Variants in FADS3 observed in about 807,000 individuals in gnomAD.
FADS3 encodes the protein cytochrome b5-related protein.
FADS3 carries 30 observed loss-of-function variants against 60.4 expected under a neutral mutation model. That is an observed-to-expected ratio of 0.50 (90% confidence interval 0.37 to 0.67). The LOEUF (loss-of-function observed/expected upper bound fraction) is 0.67, where lower values mean the gene tolerates loss of function less well. Among genes scored for constraint, FADS3 ranks in the 30% least tolerant of loss-of-function variants. The pLI is 0.00. For missense variants in FADS3, 432 were observed against 598.3 expected (o/e 0.72, Z 2.90); for synonymous variants, 234 against 249.3 (o/e 0.94, Z 0.58).
chr11:61,891,816 TTGACTCCACCCGGAGCGC>T (rs1389608689), upstream of FADS3: 1 of 152,162 alleles, frequency 6.6e-6, no homozygotes, highest in East Asian at 1.9e-4. Context: ...TTCCAGGTTC[TTGACTCCACCCGGAGCGC>T]GGGGCCTGGG....
rs1257187682 is a variant in FADS3 at position 61,891,522 on chromosome 11, G to T, written c.-141C>A. On this transcript the variant is annotated 5_prime_UTR_variant, in exon 1 of 12. Coordinates refer to ENST00000278829, the MANE Select transcript of FADS3 (RefSeq NM_021727.5). ...CGCCCTGCCGCCGCGGCCGCCGTAC[G>T]AGCGAGCGTGCGCCTCCCGGCTCGC... is the stretch of plus-strand genomic sequence containing the variant. The T allele has an allele frequency of 2.1e-6, 1 of 482,082 alleles. No individual in the cohort carries two copies. The highest frequency in any genetic ancestry group is 1.0e-4 in the South Asian group (1 of 9,950). The allele number at this position is 482,082 out of a possible 1,614,324, so 29.9% of individuals were successfully genotyped here.
chr11:61,889,969 C>T (rs1228664200), intron 1 of FADS3, among the ~76,000 whole-genome samples: 1 of 152,218 alleles, frequency 6.6e-6, no homozygotes, highest in African/African-American at 2.4e-5. Context: ...CCTCGCCACG[C>T]CCTGGCAGAA....
Position 61,877,828 on chromosome 11 carries a change from T to C in FADS3, c.809-241A>G. 2 of 595,798 alleles carry C rather than the reference T, an allele frequency of 3.4e-6. No individual in the cohort carries two copies. The highest frequency in any genetic ancestry group is 4.0e-5 in the South Asian group (2 of 50,156). The allele number at this position is 595,798 out of a possible 1,614,324, so 36.9% of individuals were successfully genotyped here. On this transcript the variant is annotated intron_variant, in intron 6 of 11. Transcript: ENST00000278829. The surrounding 1 kb of genome is among the most constrained non-coding windows in gnomAD (Gnocchi z 4.7). ...GGGCCAGACTTGAGTCCTCACTCTG[T>C]CCGCCCCAACAACTGCCCAAAGACT...
chr11:61,874,561 G>C (rs1361863058), intron 11 of FADS3, among the ~76,000 whole-genome samples: 1 of 152,138 alleles, frequency 6.6e-6, no homozygotes, highest in Non-Finnish European at 1.5e-5. Context: ...ACTCCTGCCC[G>C]CCAGTCATTC....
intron 1 of FADS3, among the ~76,000 whole-genome samples, chr11:61,890,676 C>A (rs1295240583): frequency 6.6e-6 from 1 of 152,180 alleles, no homozygotes; most frequent in East Asian, 1.9e-4. Context: ...CAGCTGCTAG[C>A]CCGGAGAGGT....
chr11:61,873,778 G>A lies in FADS3; in HGVS notation c.*36C>T. 1 of 1,581,338 alleles carries A rather than the reference G, an allele frequency of 6.3e-7. No homozygotes were observed. The highest frequency in any genetic ancestry group is 8.6e-7 in the Non-Finnish European group (1 of 1,157,684). On this transcript the variant is annotated 3_prime_UTR_variant, in exon 12 of 12. Coordinates refer to ENST00000278829, the MANE Select transcript of FADS3 (RefSeq NM_021727.5). ...GCCGGGGGCTGGCTTGGTTGCTGGT[G>A]CCCTGAGCCCTTCTCTGCCCGCCTG...
chr11:61,884,190 C>T (rs143947901), intron 1 of FADS3, among the ~76,000 whole-genome samples: 4 of 152,292 alleles, frequency 2.6e-5, no homozygotes, highest in East Asian at 3.9e-4. Flanking sequence ...CAAGGTCACA[C>T]AGTTCCATTT....
intron 1 of FADS3, among the ~76,000 whole-genome samples, chr11:61,888,645 G>A (rs174455): frequency 0.47 from 71,283 of 152,054 alleles, 20,785 homozygotes; most frequent in Non-Finnish European, 0.64. Flanking sequence ...CCCACCATAC[G>A]CTGCAGTTTG....
intron 1 of FADS3, 68 bp from the exon 2 acceptor site, chr11:61,880,219 G>A: frequency 3.0e-6 from 4 of 1,322,378 alleles, no homozygotes; most frequent in South Asian, 1.2e-5. Flanking sequence ...AACCAGCAGA[G>A]ACAGGCGGAA....
chr11:61,881,153 A>C (rs749544114), intron 1 of FADS3: 2 of 152,144 alleles, frequency 1.3e-5, no homozygotes, highest in Non-Finnish European at 2.9e-5. Flanking sequence ...CTCTATTTTT[A>C]CAAAAAAGAA....
chr11:61,873,878 G>T lies in FADS3; in HGVS notation c.1287-13C>A. 1.9e-6 allele frequency: 3 copies of T among 1,588,916 alleles called. No individual in the cohort carries two copies. The highest frequency in any genetic ancestry group is 1.7e-5 in the Admixed American group (1 of 58,994). On this transcript the variant is annotated splice_polypyrimidine_tract_variant and intron_variant, in intron 11 of 11. Transcript: ENST00000278829. ...CTTCTTCAGGGACCTGGGAGGTGGGGGTGGCAGTGGGGGTGGGTGTTAGGA... is the reference window on the plus strand; with the variant it reads ...CTTCTTCAGGGACCTGGGAGGTGGGTGTGGCAGTGGGGGTGGGTGTTAGGA...
Position 61,876,598 on chromosome 11 carries a change from T to C in FADS3, c.984-143A>G. On this transcript the variant is annotated intron_variant, in intron 8 of 11. Coordinates refer to ENST00000278829, the MANE Select transcript of FADS3 (RefSeq NM_021727.5). The surrounding 1 kb of genome is among the most constrained non-coding windows in gnomAD (Gnocchi z 5.7). ...GTGGCCATCGCCCCCTTGCCAGTGT[T>C]TAAAGAATCTGAATGGAGCAGTGTC... 1 of 719,962 alleles carries C rather than the reference T, an allele frequency of 1.4e-6. No individual in the cohort carries two copies. Among genetic ancestry groups the C allele is most frequent in the Non-Finnish European group, 2.4e-6 (1 of 412,970 alleles). 44.6% of individuals were successfully genotyped at this position (719,962 alleles called of 1,614,324 possible). A position where few individuals can be genotyped will look rare whatever the true frequency, so the allele number is the denominator to read the frequency against.
In FADS3 at chr11:61,877,628, G is replaced by A. The variant is rs372745221; in HGVS notation, c.809-41C>T. 13 of 1,592,868 alleles carry A rather than the reference G, an allele frequency of 8.2e-6. No homozygotes were observed. The African/African-American group carries it at 1.3e-4, about 16-fold the overall frequency. ...TGAGAGTGTTCAGGAGTGGGGCTGG[G>A]CTGCCAAGGTGAGTGGGCGCCAGAG... On this transcript the variant is annotated intron_variant, in intron 6 of 11. Transcript: ENST00000278829. The surrounding 1 kb of genome is among the most constrained non-coding windows in gnomAD (Gnocchi z 4.7).
At position 61,876,443 on chromosome 11, in the gene FADS3, G is replaced by C; in HGVS notation, c.996C>G (p.Ser332Arg). The C allele has an allele frequency of 6.2e-7, 1 of 1,613,488 alleles. No homozygotes were observed. Among genetic ancestry groups the C allele is most frequent in the Non-Finnish European group, 8.5e-7 (1 of 1,180,010 alleles). ...LFFVAVRVLE[S>R]HWFVWITQMN... is the part of the protein sequence containing the mutation. Reference sequence around the variant, plus strand: ...TCTGTGTGATCCACACGAACCAGTGGCTTTCCAGGACCCTGTGGGGAGGCT... The same window carrying C: ...TCTGTGTGATCCACACGAACCAGTGCCTTTCCAGGACCCTGTGGGGAGGCT... The change falls in exon 9 of 12, where the codon AGC (serine) becomes AGG (arginine). Residue 332 changes from serine (S) to arginine (R), a missense_variant. Ser to Arg is a moderately radical substitution (Grantham distance 110, BLOSUM62 -1). Coordinates refer to ENST00000278829, the MANE Select transcript of FADS3 (RefSeq NM_021727.5). The surrounding 1 kb of genome is among the most constrained non-coding windows in gnomAD (Gnocchi z 5.7).
chr11:61,878,268 T>A, intron 5 of FADS3, 53 bp from the exon 6 acceptor site: 1 of 1,586,560 alleles, frequency 6.3e-7, no homozygotes, highest in Non-Finnish European at 8.7e-7. Context: ...CACCTCCTTC[T>A]CCCGGGCAAG....
chr11:61,877,921 C>T lies in FADS3; in HGVS notation c.808+234G>A, dbSNP rs1937970290. The T allele has an allele frequency of 6.7e-6, 4 of 599,978 alleles. No homozygotes were observed. Among genetic ancestry groups the T allele is most frequent in the Non-Finnish European group, 5.9e-6 (2 of 336,864 alleles). The allele number at this position is 599,978 out of a possible 1,614,324, so 37.2% of individuals were successfully genotyped here. On this transcript the variant is annotated intron_variant, in intron 6 of 11. Transcript: ENST00000278829. This position sits in a 1 kb window ranked among gnomAD's most constrained non-coding sequence, Gnocchi z 4.7. ...ACGTGGGGCTTGGGGAAGCTCCCAGCAGGGCTGTGATGGCCCGTGGCTGCA... is the reference window on the plus strand; with the variant it reads ...ACGTGGGGCTTGGGGAAGCTCCCAGTAGGGCTGTGATGGCCCGTGGCTGCA...
In FADS3 at chr11:61,878,524, CT is replaced by C. The variant is rs1408949706; in HGVS notation, c.734del (p.Glu245GlyfsTer25). On this transcript the variant is annotated frameshift_variant, in exon 5 of 12. Coordinates refer to ENST00000278829, the MANE Select transcript of FADS3 (RefSeq NM_021727.5). LOFTEE classifies it high-confidence loss of function. The part of the protein sequence containing the change: ...VTVAPVFLLG[E>X]SSVEYGKKKR... Reference sequence around the variant, plus strand: ...CCTCCCCACCCACCTCGACGGATGACTCCCCCAGGAGGAAGACGGGCGCCAC... The same window carrying C: ...CCTCCCCACCCACCTCGACGGATGACCCCCCAGGAGGAAGACGGGCGCCAC... The C allele has an allele frequency of 1.2e-6, 2 of 1,613,946 alleles. No individual in the cohort carries two copies. The highest frequency in any genetic ancestry group is 2.7e-5 in the African/African-American group (2 of 74,936).
At position 61,877,660 on chromosome 11, in the gene FADS3, GCT is replaced by G; in HGVS notation, c.809-75_809-74del. ...AGGTGAGTGGGCGCCAGAGTGAGGG[GCT>G]CTGTTACTCCAGGAATGCCCCTGGG... On this transcript the variant is annotated intron_variant, in intron 6 of 11. Coordinates refer to ENST00000278829, the MANE Select transcript of FADS3 (RefSeq NM_021727.5). The surrounding 1 kb of genome is among the most constrained non-coding windows in gnomAD (Gnocchi z 4.7). The G allele has an allele frequency of 7.3e-7, 1 of 1,363,380 alleles. No individual in the cohort carries two copies. Among genetic ancestry groups the G allele is most frequent in the Non-Finnish European group, 1.0e-6 (1 of 970,064 alleles). The allele number at this position is 1,363,380 out of a possible 1,614,324, so 84.5% of individuals were successfully genotyped here.
chr11:61,891,417 G>A lies in FADS3; in HGVS notation c.-36C>T. 1 of 1,373,658 alleles carries A rather than the reference G, an allele frequency of 7.3e-7. No individual in the cohort carries two copies. The highest frequency in any genetic ancestry group is 1.6e-5 in the South Asian group (1 of 62,158). The allele number at this position is 1,373,658 out of a possible 1,614,324, so 85.1% of individuals were successfully genotyped here. A position where few individuals can be genotyped will look rare whatever the true frequency, so the allele number is the denominator to read the frequency against. ...CGAGTCCTGGGGATCCCAGGCGGTG[G>A]CCGAGGTCCGAGCAAGACCCCGAGG... On this transcript the variant is annotated 5_prime_UTR_variant, in exon 1 of 12. Coordinates refer to ENST00000278829, the MANE Select transcript of FADS3 (RefSeq NM_021727.5).
Sources: gnomAD v4.1 joint callset for allele counts (sites outside exome capture counted in the v4.1 genomes callset) on GRCh38, gnomAD v4.1.1 for gene constraint, Gnocchi (gnomAD v3.1) non-coding constraint, MANE v1.5 for transcripts, NCBI Gene and HGNC (gene_info 2026-07-23, HGNC 2026-07-21) for gene names.